The following DNAH11 variants were observed in gnomAD, a reference collection of about 807,000 sequenced individuals.
DNAH11 encodes the protein axonemal beta dynein heavy chain 11.
DNAH11 carries 442 observed loss-of-function variants against 526.0 expected under a neutral mutation model. That is an observed-to-expected ratio of 0.84 (90% CI 0.78 to 0.91). The LOEUF is 0.91. Ranked by LOEUF, DNAH11 falls within the 40% of genes least tolerant of loss-of-function variation. The probability of loss-of-function intolerance (pLI) is 0.00; values close to 1 mark genes in which losing one functional copy is unlikely to be tolerated. For missense variants in DNAH11, 6,989 were observed against 5,448.7 expected (o/e 1.28, Z -8.90); for synonymous variants, 2,461 against 1,935.9 (o/e 1.27, Z -7.12).
intron 58 of DNAH11, among the ~76,000 whole-genome samples, chr7:21,785,448 ATG>A (rs2127986219): frequency 6.6e-6 from 1 of 152,338 alleles, no homozygotes; most frequent in Non-Finnish European, 1.5e-5. Context: ...CTAATTAGCA[ATG>A]TGACACATTA....
intron 61 of DNAH11, among the ~76,000 whole-genome samples, chr7:21,798,239 CT>C (rs1310770617): frequency 6.6e-6 from 1 of 152,170 alleles, no homozygotes; most frequent in East Asian, 1.9e-4. Context: ...GGATTACAGG[CT>C]TGTGCCACCA....
At chr7:21,753,220 G>C (rs542580218) in intron 54 of DNAH11, among the ~76,000 whole-genome samples, 14 of 152,196 alleles carry the variant, frequency 9.2e-5, no homozygotes, top group African/African-American at 3.4e-4. Context: ...TCATGTTCCA[G>C]GCAGGGGGAA....
chr7:21,830,397 C>T (rs1012179519), intron 65 of DNAH11, among the ~76,000 whole-genome samples: 5 of 152,282 alleles, frequency 3.3e-5, no homozygotes, highest in African/African-American at 1.2e-4. Flanking sequence ...GAGTTTCTGA[C>T]CAAAGACTAG....
At chr7:21,797,218 CTTTTT>C (rs796088129) in intron 61 of DNAH11, among the ~76,000 whole-genome samples, 1 of 147,030 alleles carries the variant, frequency 6.8e-6, no homozygotes, top group East Asian at 2.0e-4. Flanking sequence ...TTGCTTTGAA[CTTTTT>C]TTTTTTTCCT....
chr7:21,584,553 T>A (rs988211668), intron 9 of DNAH11, among the ~76,000 whole-genome samples: 1 of 152,138 alleles, frequency 6.6e-6, no homozygotes, highest in Non-Finnish European at 1.5e-5. Context: ...ATTGTGTACA[T>A]GTATCCCAGA....
intron 1 of DNAH11, among the ~76,000 whole-genome samples, chr7:21,544,382 C>A (rs1253953769): frequency 6.6e-6 from 1 of 152,182 alleles, no homozygotes; most frequent in South Asian, 2.1e-4. Flanking sequence ...GGAAGGCTGC[C>A]TTATGGTATT....
At chr7:21,823,120 A>T (rs1790126057) in intron 65 of DNAH11, among the ~76,000 whole-genome samples, 1 of 151,982 alleles carries the variant, frequency 6.6e-6, no homozygotes, top group Non-Finnish European at 1.5e-5. Flanking sequence ...GAAGTTGTTT[A>T]GCTTGATGTA....
chr7:21,860,797 T>C (rs1388774454), intron 68 of DNAH11, among the ~76,000 whole-genome samples: 1 of 152,132 alleles, frequency 6.6e-6, no homozygotes, highest in Non-Finnish European at 1.5e-5. Context: ...AGAGGTTTAG[T>C]GGAGTCACAG....
rs28402747 is a variant in DNAH11 at position 21,757,019 on chromosome 7, T to C, written c.8940+6655T>C. On this transcript the variant is annotated intron_variant, in intron 54 of 81. Coordinates refer to ENST00000409508, the MANE Select transcript of DNAH11 (RefSeq NM_001277115.2). ...CTCCTGCCAAATTTCTAACTGATCA[T>C]TGTGGACATAAAAGAAAGCCATTGG... Among the ~76,000 whole-genome samples the C allele has an allele frequency of 8.2e-3, 1,245 of 152,264 alleles. 14 individuals are homozygous for C. The highest frequency in any genetic ancestry group is 0.029 in the African/African-American group (1,192 of 41,562).
intron 61 of DNAH11, among the ~76,000 whole-genome samples, chr7:21,792,054 T>A (rs989926456): frequency 1.1e-4 from 16 of 152,042 alleles, no homozygotes; most frequent in East Asian, 1.9e-4. Flanking sequence ...GAAGCAGGAG[T>A]GACAGATGGG....
At chr7:21,875,786 A>G (rs984516091) in intron 74 of DNAH11, among the ~76,000 whole-genome samples, 1 of 151,734 alleles carries the variant, frequency 6.6e-6, no homozygotes, top group Admixed American at 6.6e-5. Context: ...GAACCTGTCA[A>G]TTCTTTTGAC....
chr7:21,842,318 CTAT>C (rs760276911), intron 65 of DNAH11, among the ~76,000 whole-genome samples: 3 of 152,086 alleles, frequency 2.0e-5, no homozygotes, highest in Non-Finnish European at 4.4e-5. Flanking sequence ...GGGGTGAGTA[CTAT>C]TATTGTCAAT....
chr7:21,797,023 A>T (rs976923848), intron 61 of DNAH11, among the ~76,000 whole-genome samples: 1 of 152,198 alleles, frequency 6.6e-6, no homozygotes, highest in Non-Finnish European at 1.5e-5. Flanking sequence ...TGAAAGTCAG[A>T]TTAAAATAGA....
At chr7:21,572,064 C>A in intron 8 of DNAH11, 91 bp downstream of exon 8, 2 of 1,128,728 alleles carry the variant, frequency 1.8e-6, no homozygotes, top group Non-Finnish European at 1.2e-6. Context: ...TAGGGACCAT[C>A]CATTCCAATA....
chr7:21,789,800 TCTTTCTTTTTTC>T (rs1431434133), intron 61 of DNAH11, among the ~76,000 whole-genome samples: 6 of 67,088 alleles, frequency 8.9e-5, no homozygotes, highest in South Asian at 5.5e-4. Flanking sequence ...TTTCTTTCTT[TCTTTCTTTTTTC>T]TTTCTTTCTT....
intron 30 of DNAH11, among the ~76,000 whole-genome samples, chr7:21,677,074 A>G (rs1050674273): frequency 1.2e-4 from 18 of 152,324 alleles, no homozygotes; most frequent in South Asian, 6.2e-4. Flanking sequence ...CAGTGAACAT[A>G]TTAGACATAA....
At chr7:21,744,847 T>C in intron 50 of DNAH11, 23 bp from the exon 51 acceptor site, 1 of 1,590,472 alleles carries the variant, frequency 6.3e-7, no homozygotes, top group Non-Finnish European at 8.6e-7. Context: ...ACATGCCATA[T>C]TTTTCTCTTT....
intron 39 of DNAH11, among the ~76,000 whole-genome samples, chr7:21,706,145 C>T (rs1784252920): frequency 6.6e-6 from 1 of 152,138 alleles, no homozygotes; most frequent in Non-Finnish European, 1.5e-5. Flanking sequence ...CTATTATGTG[C>T]TGTGCTAGGT....
chr7:21,626,787 G>C (rs912999636), intron 25 of DNAH11, among the ~76,000 whole-genome samples: 5 of 112,526 alleles, frequency 4.4e-5, no homozygotes, highest in Non-Finnish European at 5.0e-5. Context: ...AGTCTCATCT[G>C]TCACCCAGGC....
Sources: allele counts gnomAD v4.1 joint callset (sites outside exome capture counted in the v4.1 genomes callset), GRCh38; gene constraint gnomAD v4.1.1; transcripts MANE v1.5; gene names NCBI Gene and HGNC (gene_info 2026-07-23, HGNC 2026-07-21).